The following EYS variants were observed in gnomAD, a reference collection of about 807,000 sequenced individuals.
EYS encodes protein eyes shut homolog.
In EYS, 250 loss-of-function variants were observed where a neutral mutation model predicts 282.1. That is an observed-to-expected ratio of 0.89 (90% CI 0.80 to 0.98). EYS has a LOEUF of 0.98. Ranked by LOEUF, EYS falls within the 50% of genes least tolerant of loss-of-function variation. The pLI, the probability that EYS is intolerant of heterozygous loss-of-function variation, is 0.00. For synonymous variants in EYS, 1,355 were observed against 1,282.9 expected (o/e 1.06, Z -1.20); for missense variants, 4,016 against 3,709.0 (o/e 1.08, Z -2.15).
At chr6:64,168,551 C>A (rs552789426) in intron 31 of EYS, among the ~76,000 whole-genome samples, 1 of 151,964 alleles carries the variant, frequency 6.6e-6, no homozygotes, top group Non-Finnish European at 1.5e-5. Flanking sequence ...ACTTGTAAAT[C>A]GATAAAAAGT....
intron 26 of EYS, among the ~76,000 whole-genome samples, chr6:64,471,041 C>T (rs1322968124): frequency 2.0e-5 from 3 of 152,000 alleles, no homozygotes; most frequent in African/African-American, 7.2e-5. Context: ...TATTGTCATA[C>T]TGTCAAAAGT....
intron 33 of EYS, among the ~76,000 whole-genome samples, chr6:64,058,946 T>G (rs180919593): frequency 8.5e-5 from 13 of 152,304 alleles, no homozygotes; most frequent in Admixed American, 5.9e-4. Context: ...ACACAGCTAG[T>G]GCTCAAAACA....
intron 35 of EYS, among the ~76,000 whole-genome samples, chr6:63,919,463 T>C (rs1489937667): frequency 6.6e-6 from 1 of 151,694 alleles, no homozygotes; most frequent in Admixed American, 6.6e-5. Context: ...TAATTTCCAG[T>C]CCCCTTTGTA....
chr6:63,930,585 T>G (rs1764860347), intron 35 of EYS, among the ~76,000 whole-genome samples: 1 of 152,162 alleles, frequency 6.6e-6, no homozygotes, highest in South Asian at 2.1e-4. Flanking sequence ...GATTACCAAA[T>G]TAATGCTTAT....
At chr6:63,877,655 G>A in intron 35 of EYS, among the ~76,000 whole-genome samples, 1 of 152,018 alleles carries the variant, frequency 6.6e-6, no homozygotes. Context: ...ATTTCTTGGA[G>A]GCTTTGTTCA....
At chr6:64,081,136 A>G (rs1771951324) in intron 32 of EYS, among the ~76,000 whole-genome samples, 1 of 152,134 alleles carries the variant, frequency 6.6e-6, no homozygotes, top group African/African-American at 2.4e-5. Flanking sequence ...AAGTGGCCAT[A>G]CTGTCCAAGG....
intron 13 of EYS, 77 bp from the exon 14 acceptor site, chr6:64,997,780 C>A: frequency 7.4e-7 from 1 of 1,347,182 alleles, no homozygotes; most frequent in South Asian, 1.5e-5. Flanking sequence ...GTCTAAAATT[C>A]TATAATCATT....
chr6:63,956,352 C>G (rs913873108), intron 35 of EYS, among the ~76,000 whole-genome samples: 1 of 152,064 alleles, frequency 6.6e-6, no homozygotes, highest in Non-Finnish European at 1.5e-5. Flanking sequence ...AGAAACAACC[C>G]CCTTTGACTA....
rs149584103 is a variant in EYS, at chr6:65,208,737, G to A, written c.2023+87126C>T. 2.3e-3 allele frequency among the ~76,000 whole-genome samples: 326 copies of A among 141,316 alleles called. 4 individuals carry two copies. The highest frequency in any genetic ancestry group is 8.6e-3 in the African/African-American group (310 of 36,014). 92.7% of individuals were successfully genotyped at this position (141,316 alleles called of 152,430 possible). A position where few individuals can be genotyped will look rare whatever the true frequency, so the allele number is the denominator to read the frequency against. On this transcript the variant is annotated intron_variant, in intron 12 of 42. Coordinates refer to ENST00000503581, the MANE Select transcript of EYS (RefSeq NM_001142800.2). ...ACCACACCTTCTCACTTATGAGTGG[G>A]AGCTAAACAATGGGAACATAAAGAT...
intron 22 of EYS, among the ~76,000 whole-genome samples, chr6:64,696,255 C>T (rs1770575090): frequency 6.6e-6 from 1 of 151,964 alleles, no homozygotes; most frequent in African/African-American, 2.4e-5. Context: ...ATAGACCGAG[C>T]ACAAGAAAGA....
intron 16 of EYS, among the ~76,000 whole-genome samples, chr6:64,907,949 G>T (rs1054479617): frequency 1.3e-5 from 2 of 152,144 alleles, no homozygotes; most frequent in Non-Finnish European, 2.9e-5. Flanking sequence ...GGAAGAGAGT[G>T]GTTTAATGAG....
chr6:64,971,957 A>G (rs1770309964), intron 14 of EYS, among the ~76,000 whole-genome samples: 1 of 152,292 alleles, frequency 6.6e-6, no homozygotes. Context: ...CAGATTTATG[A>G]TGATGCCAAT....
chr6:65,373,819 TA>T (rs1229892288), intron 8 of EYS, among the ~76,000 whole-genome samples: 1 of 152,152 alleles, frequency 6.6e-6, no homozygotes, highest in African/African-American at 2.4e-5. Context: ...TATAATCTTT[TA>T]AATTTACTTT....
At chr6:64,564,510 T>C (rs988038683) in intron 26 of EYS, among the ~76,000 whole-genome samples, 6 of 151,888 alleles carry the variant, frequency 4.0e-5, no homozygotes, top group African/African-American at 1.5e-4. Flanking sequence ...CTCCCTCTCT[T>C]GACCTCGTGA....
At chr6:64,868,869 A>T (rs1350404204) in intron 19 of EYS, among the ~76,000 whole-genome samples, 2 of 151,556 alleles carry the variant, frequency 1.3e-5, no homozygotes, top group Non-Finnish European at 3.0e-5. Context: ...TGATTACTAC[A>T]AACGGACTTG....
intron 13 of EYS, among the ~76,000 whole-genome samples, chr6:65,002,280 T>C (rs751965293): frequency 6.8e-6 from 1 of 147,516 alleles, no homozygotes; most frequent in Non-Finnish European, 1.5e-5. Context: ...TTCAAGGTAA[T>C]TTGAGAATTT....
At chr6:65,124,587 A>G (rs555442587) in intron 12 of EYS, among the ~76,000 whole-genome samples, 64 of 152,306 alleles carry the variant, frequency 4.2e-4, no homozygotes, top group African/African-American at 1.4e-3. Context: ...GACTACATCA[A>G]TCTGCATTAA....
rs2045771956 is a variant in EYS, at chr6:64,513,558, G to A, written c.5645-74206C>T. 1.3e-5 allele frequency among the ~76,000 whole-genome samples: 2 copies of A among 151,882 alleles called. 1 individual carries two copies. Among genetic ancestry groups the A allele is most frequent in the South Asian group, 4.1e-4 (2 of 4,834 alleles). ...TACAACAAATGATTAAGTGCTAAAT[G>A]GGTAATGGATAATGGGCAGCTAATG... On this transcript the variant is annotated intron_variant, in intron 26 of 42. Coordinates refer to ENST00000503581, the MANE Select transcript of EYS (RefSeq NM_001142800.2).
intron 26 of EYS, among the ~76,000 whole-genome samples, chr6:64,547,046 G>A (rs4710480): frequency 0.4 from 61,019 of 151,916 alleles, 12,410 homozygotes; most frequent in South Asian, 0.55. Context: ...TCTGATGTTC[G>A]GACGTATTCG....
Sources: gnomAD v4.1 joint callset for allele counts (sites outside exome capture counted in the v4.1 genomes callset) on GRCh38, gnomAD v4.1.1 for gene constraint, MANE v1.5 for transcripts, NCBI Gene and HGNC (gene_info 2026-07-23, HGNC 2026-07-21) for gene names.